ADI1: variants seen among roughly 807,000 people sequenced by gnomAD.
The protein encoded by ADI1 is acireductone dioxygenase.
In ADI1, 21 loss-of-function variants were observed where a neutral mutation model predicts 18.7. The ratio of observed to expected loss-of-function variants is 1.13; its 90% CI spans 0.80 to 1.62. The LOEUF (loss-of-function observed/expected upper bound fraction) is 1.62. Ranked by LOEUF, ADI1 falls within the 40% of genes most tolerant of loss-of-function variation. ADI1 has a pLI of 0.00. For missense variants in ADI1, 245 were observed against 254.9 expected (o/e 0.96, Z 0.26); for synonymous variants, 90 against 100.1 (o/e 0.90, Z 0.60).
At chr2:3,519,265 G>A in intron 1 of ADI1, 103 bp downstream of exon 1, 2 of 1,303,528 alleles carry the variant, frequency 1.5e-6, no homozygotes, top group African/African-American at 1.6e-5. Context: ...GCAGCATGCC[G>A]CGGCTCCCAG....
intron 3 of ADI1, 53 bp downstream of exon 3, chr2:3,500,761 C>T (rs372495501): frequency 1.2e-5 from 20 of 1,609,572 alleles, no homozygotes; most frequent in African/African-American, 5.3e-5. Flanking sequence ...AGAGATGCCA[C>T]GGCCAGGGCC....
In ADI1 at chr2:3,503,225, AAC is replaced by A. The variant is rs538331259; in HGVS notation, c.241-2234_241-2233del. ...TGCATTCACACACATGCACACACGT[AAC>A]ACTCTCTCATGTGCATTCACACACA... On this transcript the variant is annotated intron_variant, in intron 2 of 3. Transcript: ENST00000327435. Among the ~76,000 whole-genome samples the A allele has an allele frequency of 2.5e-3, 269 of 106,662 alleles. 30 individuals carry two copies. Among genetic ancestry groups the A allele is most frequent in the South Asian group, 1.8e-3 (7 of 3,990 alleles). 70.0% of individuals were successfully genotyped at this position (106,662 alleles called of 152,430 possible).
At chr2:3,519,334 G>A (rs1667505247) in intron 1 of ADI1, 34 bp downstream of exon 1, 1 of 1,371,324 alleles carries the variant, frequency 7.3e-7, no homozygotes, top group Admixed American at 3.6e-5. Flanking sequence ...GGTCGGCGTC[G>A]CCCGCACGCT....
chr2:3,513,938 T>C lies in ADI1; in HGVS notation c.159A>G (p.Glu53=), dbSNP rs1667344818. The C allele has an allele frequency of 6.2e-7, 1 of 1,612,134 alleles. No individual in the cohort carries two copies. The highest frequency in any genetic ancestry group is 1.3e-5 in the African/African-American group (1 of 74,818). The change falls in exon 2 of 4, where the codon GAA becomes GAG. Residue 53 remains glutamate, a synonymous_variant. Transcript: ENST00000327435. The part of the protein sequence containing the change: ...ADKYENDPEL[E]KIRRERNYSW... ...AGTAGTTCCTCTCTCTTCGGATCTT[T>C]TCTAATTCTGGATCATTCTCATATT...
intron 2 of ADI1, among the ~76,000 whole-genome samples, chr2:3,512,890 C>T (rs1166165268): frequency 2.6e-5 from 4 of 152,208 alleles, no homozygotes; most frequent in Non-Finnish European, 4.4e-5. Context: ...CACTCAAAGC[C>T]ATCCCATGAG....
chr2:3,510,782 A>G (rs1463742830), intron 2 of ADI1, among the ~76,000 whole-genome samples: 1 of 152,224 alleles, frequency 6.6e-6, no homozygotes, highest in Non-Finnish European at 1.5e-5. Flanking sequence ...AAAGAAGTTG[A>G]ACTCACAGTT....
chr2:3,510,632 A>C (rs1667277904), intron 2 of ADI1, among the ~76,000 whole-genome samples: 1 of 152,238 alleles, frequency 6.6e-6, no homozygotes, highest in Admixed American at 6.5e-5. Context: ...AGATATTAAA[A>C]GGATAATAGA....
intron 2 of ADI1, among the ~76,000 whole-genome samples, chr2:3,508,095 G>A (rs1004070940): frequency 6.6e-6 from 1 of 152,090 alleles, no homozygotes; most frequent in Admixed American, 6.6e-5. Flanking sequence ...AGCACTTTGG[G>A]AGGCCGAGGA....
chr2:3,504,661 G>C (rs1048383931), intron 2 of ADI1, among the ~76,000 whole-genome samples: 1 of 152,172 alleles, frequency 6.6e-6, no homozygotes, highest in East Asian at 1.9e-4. Context: ...TGGTATTGTC[G>C]GTTCACCTGC....
intron 2 of ADI1, among the ~76,000 whole-genome samples, chr2:3,505,005 T>A (rs755863145): frequency 6.6e-6 from 1 of 151,956 alleles, no homozygotes; most frequent in Non-Finnish European, 1.5e-5. Context: ...TGTATGTTTG[T>A]ATTGTTGGTT....
intron 2 of ADI1, among the ~76,000 whole-genome samples, chr2:3,502,252 A>G (rs940816400): frequency 2.0e-5 from 3 of 152,186 alleles, no homozygotes; most frequent in Admixed American, 6.5e-5. Context: ...GCTAGTCTCA[A>G]ACTCCAGGCC....
intron 2 of ADI1, among the ~76,000 whole-genome samples, chr2:3,502,031 A>G (rs1421628480): frequency 7.8e-6 from 1 of 127,430 alleles, no homozygotes; most frequent in Non-Finnish European, 1.5e-5. Flanking sequence ...ACACACACAC[A>G]CACACACACA....
rs544600315 is a variant in ADI1 at position 3,519,301 on chromosome 2, C to G, written c.120+67G>C. The G allele has an allele frequency of 1.1e-3, 1,466 of 1,336,470 alleles. 13 individuals are homozygous for G. In the African/African-American group the frequency reaches 0.018, roughly 17 times the overall value. The allele number at this position is 1,336,470 out of a possible 1,614,324, so 82.8% of individuals were successfully genotyped here. ...GCCGCTGCCCGGCACCTGGAGGAGG[C>G]TGGGCTGTGCGCGGCGTTTGGGGGT... On this transcript the variant is annotated intron_variant, in intron 1 of 3. Transcript: ENST00000327435.
At chr2:3,511,748 GA>G (rs747434743) in intron 2 of ADI1, among the ~76,000 whole-genome samples, 3 of 152,218 alleles carry the variant, frequency 2.0e-5, no homozygotes, top group Non-Finnish European at 4.4e-5. Context: ...GAAGATGAGG[GA>G]AAGTTTGGAA....
chr2:3,511,749 A>G (rs1667298891), intron 2 of ADI1, among the ~76,000 whole-genome samples: 1 of 152,228 alleles, frequency 6.6e-6, no homozygotes, highest in African/African-American at 2.4e-5. Context: ...AAGATGAGGG[A>G]AAGTTTGGAA....
intron 1 of ADI1, chr2:3,515,026 T>C (rs1416846035): frequency 6.1e-6 from 4 of 658,060 alleles, no homozygotes; most frequent in Non-Finnish European, 9.3e-6. Flanking sequence ...GATAATTGTG[T>C]TAACTGTACA....
intron 2 of ADI1, among the ~76,000 whole-genome samples, chr2:3,504,991 C>T (rs1186239273): frequency 2.0e-5 from 3 of 151,714 alleles, no homozygotes; most frequent in African/African-American, 7.3e-5. Flanking sequence ...TGTCTGTTCA[C>T]CTGTGTATGT....
intron 2 of ADI1, among the ~76,000 whole-genome samples, chr2:3,510,186 A>C (rs1667268927): frequency 6.6e-6 from 1 of 151,802 alleles, no homozygotes; most frequent in African/African-American, 2.4e-5. Context: ...ATGGTGGCAC[A>C]TACCTGTAGT....
chr2:3,503,837 C>G (rs1302237964), intron 2 of ADI1, among the ~76,000 whole-genome samples: 1 of 152,134 alleles, frequency 6.6e-6, no homozygotes, highest in Non-Finnish European at 1.5e-5. Flanking sequence ...TAAATCCCAG[C>G]AAGAATAGAC....
Sources: allele counts gnomAD v4.1 joint callset (sites outside exome capture counted in the v4.1 genomes callset), GRCh38; gene constraint gnomAD v4.1.1; transcripts MANE v1.5; gene names NCBI Gene and HGNC (gene_info 2026-07-23, HGNC 2026-07-21).